The following MGAT4D variants were observed in gnomAD, a reference collection of about 807,000 sequenced individuals.
MGAT4D encodes alpha-1,3-mannosyl-glycoprotein 4-beta-N-acetylglucosaminyltransferase-like protein MGAT4D.
In MGAT4D, 34 loss-of-function variants were observed where a neutral mutation model predicts 15.9. That is an observed-to-expected ratio of 2.14 (90% confidence interval 1.62 to 2.84). MGAT4D has a LOEUF of 2.84. MGAT4D is among the 30% of genes most tolerant of loss of function. MGAT4D has a pLI of 0.00. For missense variants in MGAT4D, 327 were observed against 140.2 expected, an observed-to-expected ratio of 2.33 and a Z score of -6.73; for synonymous variants, 112 against 48.2, an observed-to-expected ratio of 2.33 and a Z score of -5.49.
chr4:140,444,763 G>A (rs1729977782), intron 10 of MGAT4D, among the ~76,000 whole-genome samples: 1 of 152,084 alleles, frequency 6.6e-6, no homozygotes, highest in Non-Finnish European at 1.5e-5. Flanking sequence ...TGATAGTTCT[G>A]TTTTTAGTTA....
At chr4:140,485,063 AG>A (rs1733011106) in intron 1 of MGAT4D, among the ~76,000 whole-genome samples, 1 of 152,238 alleles carries the variant, frequency 6.6e-6, no homozygotes, top group Non-Finnish European at 1.5e-5. Context: ...ATATACCCAA[AG>A]GATTATAAAT....
chr4:140,498,177 C>G lies in MGAT4D; in HGVS notation c.46G>C (p.Ala16Pro). The G allele has an allele frequency of 2.8e-6, 2 of 702,658 alleles. No individual in the cohort carries two copies. Among genetic ancestry groups the G allele is most frequent in the East Asian group, 2.7e-5 (1 of 37,256 alleles). 43.5% of individuals were successfully genotyped at this position (702,658 alleles called of 1,614,324 possible). The stretch of plus-strand genomic sequence containing the variant: ...GAGAAGCAAGAGAAGCTGAACAACG[C>G]GACGGCGACCAGGGTGATCAGCAAG... Reference protein sequence around the residue: ...VNLLITLVAVALFSFSCFSIY... With the variant: ...VNLLITLVAVPLFSFSCFSIY... Residue 16 changes from alanine to proline, a missense_variant, in exon 1 of 11, where the codon GCG becomes CCG. Transcript: ENST00000511113.
intron 9 of MGAT4D, among the ~76,000 whole-genome samples, chr4:140,454,572 T>C (rs2126693039): frequency 6.6e-6 from 1 of 152,302 alleles, no homozygotes; most frequent in South Asian, 2.1e-4. Flanking sequence ...CTTTTTGCTC[T>C]GTTTTTGTCT....
intron 1 of MGAT4D, among the ~76,000 whole-genome samples, chr4:140,497,556 C>T (rs1733916436): frequency 6.6e-6 from 1 of 152,172 alleles, no homozygotes; most frequent in Non-Finnish European, 1.5e-5. Flanking sequence ...GAGCGGAACA[C>T]AGGCCTGCGG....
chr4:140,463,138 T>C (rs1731304995), intron 6 of MGAT4D, among the ~76,000 whole-genome samples: 1 of 151,858 alleles, frequency 6.6e-6, no homozygotes, highest in African/African-American at 2.4e-5. Context: ...CCAAGAGAAA[T>C]ATAAAAGTAG....
In MGAT4D at chr4:140,474,274, T is replaced by A. The variant is rs1732169702; in HGVS notation, c.525+539A>T. On this transcript the variant is annotated intron_variant, in intron 4 of 10. Coordinates refer to ENST00000511113, the MANE Select transcript of MGAT4D (RefSeq NM_001277353.2). ...TTACTTACCTTCTGTAAGATCTAGG[T>A]CCATTATCCCTAAAATCAGGACAGT... Among the ~76,000 whole-genome samples, 2 of 152,178 alleles carry A rather than the reference T, an allele frequency of 1.3e-5. 1 individual carries two copies. The highest frequency in any genetic ancestry group is 4.1e-4 in the South Asian group (2 of 4,824).
At chr4:140,458,682 T>G (rs1448617074) in intron 8 of MGAT4D, 1 of 152,116 alleles carries the variant, frequency 6.6e-6, no homozygotes, top group African/African-American at 2.4e-5. Flanking sequence ...TGCTGATAAT[T>G]TAGAAATCAA....
chr4:140,478,240 C>A (rs1218753739), intron 3 of MGAT4D, among the ~76,000 whole-genome samples: 1 of 152,082 alleles, frequency 6.6e-6, no homozygotes, highest in Admixed American at 6.5e-5. Context: ...CTCCAACCCC[C>A]TACACAAGGA....
intron 6 of MGAT4D, among the ~76,000 whole-genome samples, chr4:140,463,230 G>A (rs1264302357): frequency 1.3e-5 from 2 of 152,194 alleles, no homozygotes; most frequent in Admixed American, 1.3e-4. Flanking sequence ...TTATCTCACA[G>A]AGTTCTTTGG....
At chr4:140,445,067 T>C (rs1030571413) in intron 10 of MGAT4D, among the ~76,000 whole-genome samples, 1 of 151,900 alleles carries the variant, frequency 6.6e-6, no homozygotes, top group African/African-American at 2.4e-5. Flanking sequence ...TTTTTTTTAG[T>C]AGAGATGGGG....
At chr4:140,467,501 A>G (rs1301422236) in intron 5 of MGAT4D, among the ~76,000 whole-genome samples, 1 of 152,098 alleles carries the variant, frequency 6.6e-6, no homozygotes, top group Non-Finnish European at 1.5e-5. Context: ...GTTACGTTAC[A>G]ATTTCTACTT....
At chr4:140,484,075 A>G (rs1348749218) in intron 1 of MGAT4D, among the ~76,000 whole-genome samples, 1 of 152,224 alleles carries the variant, frequency 6.6e-6, no homozygotes, top group Non-Finnish European at 1.5e-5. Context: ...TGAAGAGACA[A>G]CATGGATTGA....
intron 5 of MGAT4D, among the ~76,000 whole-genome samples, chr4:140,471,230 C>G (rs1407081089): frequency 3.3e-5 from 2 of 60,560 alleles, no homozygotes; most frequent in South Asian, 6.4e-4. Context: ...CTTTTTGTTT[C>G]CTTCCTTCCT....
At position 140,450,376 on chromosome 4, in the gene MGAT4D, G is replaced by A. The variant is rs150592018; in HGVS notation, c.1116+1034C>T. ...TAGCATCAAAAAAGAGAATGGTATA[G>A]ACCAATCTATTTCTGCATCACATCT... is the stretch of plus-strand genomic sequence containing the variant. On this transcript the variant is annotated intron_variant, in intron 10 of 10. Transcript: ENST00000511113. Among the ~76,000 whole-genome samples the A allele has an allele frequency of 2.9e-3, 442 of 152,316 alleles. 1 individual carries two copies. Among genetic ancestry groups the A allele is most frequent in the African/African-American group, 0.01 (427 of 41,572 alleles).
chr4:140,451,214 G>A lies in MGAT4D; in HGVS notation c.1116+196C>T, dbSNP rs118063894. 2.2e-3 allele frequency among the ~76,000 whole-genome samples: 329 copies of A among 152,232 alleles called. 13 individuals carry two copies. The East Asian group carries it at 0.058, about 27-fold the overall frequency. ...ATGTAGGCTGAATTCTTCTTACCAT[G>A]ATAGATAACTTGGGGCTTTAAAAGA... On this transcript the variant is annotated intron_variant, in intron 10 of 10. Transcript: ENST00000511113.
chr4:140,460,627 G>C (rs1251262507), intron 7 of MGAT4D, among the ~76,000 whole-genome samples: 1 of 152,174 alleles, frequency 6.6e-6, no homozygotes, highest in African/African-American at 2.4e-5. Flanking sequence ...CTTGAGCCCA[G>C]GAGTTTGAGA....
chr4:140,461,355 G>A (rs1336462215), intron 7 of MGAT4D, among the ~76,000 whole-genome samples: 2 of 152,078 alleles, frequency 1.3e-5, no homozygotes, highest in Non-Finnish European at 2.9e-5. Context: ...TTGAATGAGA[G>A]CACATTGTCT....
chr4:140,480,638 C>T (rs1708312244), intron 2 of MGAT4D, among the ~76,000 whole-genome samples: 1 of 151,880 alleles, frequency 6.6e-6, no homozygotes, highest in African/African-American at 2.4e-5. Context: ...TTTCAAAACT[C>T]AATGAGAAAA....
At chr4:140,485,810 TAAAAAAAAAAAAA>T (rs61131099) in intron 1 of MGAT4D, among the ~76,000 whole-genome samples, 219 of 13,016 alleles carry the variant, frequency 0.017, 6 homozygotes, top group African/African-American at 0.052. Flanking sequence ...GACCCTGTCT[TAAAAAAAAAAAAA>T]AAAAAAAAAA....
Sources: gnomAD v4.1 joint callset for allele counts (sites outside exome capture counted in the v4.1 genomes callset) on GRCh38, gnomAD v4.1.1 for gene constraint, MANE v1.5 for transcripts, NCBI Gene and HGNC (gene_info 2026-07-23, HGNC 2026-07-21) for gene names.